The following FOXP4 variants were observed in gnomAD, a reference collection of about 807,000 sequenced individuals.
The protein encoded by FOXP4 is forkhead box P4.
A neutral mutation model predicts 82.6 loss-of-function variants in FOXP4; 25 were observed. The ratio of observed to expected loss-of-function variants is 0.30; its 90% CI spans 0.22 to 0.42. The LOEUF (loss-of-function observed/expected upper bound fraction) is 0.42. Among genes scored for constraint, FOXP4 ranks in the 10% least tolerant of loss-of-function variants. The pLI is 1.00. For missense variants in FOXP4, 785 were observed against 900.9 expected (o/e 0.87, Z 1.65); for synonymous variants, 415 against 388.2 (o/e 1.07, Z -0.81).
rs1379685049 is a variant in FOXP4, at chr6:41,593,456, G to A, written c.1537-1414G>A. Reference sequence around the variant, plus strand: ...GTTGTGGGCCCGTCCTTTTGTTTACGAAGCCCCTGCCAGACCCCTTAAATT... The same window carrying A: ...GTTGTGGGCCCGTCCTTTTGTTTACAAAGCCCCTGCCAGACCCCTTAAATT... On this transcript the variant is annotated intron_variant, in intron 13 of 16. Coordinates refer to ENST00000307972, the MANE Select transcript of FOXP4 (RefSeq NM_001012426.2). This position sits in a 1 kb window ranked among gnomAD's most constrained non-coding sequence, Gnocchi z 4.1. Among the ~76,000 whole-genome samples the A allele has an allele frequency of 1.3e-5, 2 of 152,096 alleles. No homozygotes were observed. Among genetic ancestry groups the A allele is most frequent in the South Asian group, 2.1e-4 (1 of 4,836 alleles).
chr6:41,586,519 C>G (rs1244416276), intron 5 of FOXP4, among the ~76,000 whole-genome samples: 1 of 152,202 alleles, frequency 6.6e-6, no homozygotes, highest in Non-Finnish European at 1.5e-5. Flanking sequence ...CGTCAGACTC[C>G]TTGATTCTCT....
Position 41,588,607 on chromosome 6 carries a change from G to A in FOXP4, c.978-37G>A, listed in dbSNP as rs373963017. ...GGAGGATGGTGGCAGCAGGGAAACC[G>A]GAGCCAACTTTCTCTCCTCCTCTCT... On this transcript the variant is annotated intron_variant, in intron 8 of 16. Coordinates refer to ENST00000307972, the MANE Select transcript of FOXP4 (RefSeq NM_001012426.2). 2.9e-4 allele frequency: 472 copies of A among 1,607,932 alleles called. 1 individual carries two copies. In the South Asian group the frequency reaches 3.7e-3, roughly 13 times the overall value.
At position 41,556,405 on chromosome 6, in the gene FOXP4, G is replaced by C. The variant is rs867958891; in HGVS notation, c.-16-9340G>C. On this transcript the variant is annotated intron_variant, in intron 1 of 16. Coordinates refer to ENST00000307972, the MANE Select transcript of FOXP4 (RefSeq NM_001012426.2). ...GTGGCGTCATCTTGGCTCACTGCAA[G>C]CTCCACCTCCCAGGTTCACACCATT... Among the ~76,000 whole-genome samples the C allele has an allele frequency of 6.4e-4, 96 of 150,748 alleles. 1 individual carries two copies. Among genetic ancestry groups the C allele is most frequent in the Middle Eastern group, 3.4e-3 (1 of 294 alleles).
intron 4 of FOXP4, 151 bp from the exon 5 acceptor site, chr6:41,585,280 C>T (rs559477043): frequency 5.3e-6 from 4 of 758,660 alleles, no homozygotes; most frequent in Middle Eastern, 3.9e-4. Context: ...CACCCAGACC[C>T]TGCTCAGGGC....
intron 5 of FOXP4, among the ~76,000 whole-genome samples, chr6:41,586,018 C>T (rs1253139439): frequency 6.6e-6 from 1 of 152,032 alleles, no homozygotes; most frequent in Admixed American, 6.6e-5. Context: ...CAGCCTACAT[C>T]CCCTACCCCA....
intron 2 of FOXP4, among the ~76,000 whole-genome samples, chr6:41,571,005 G>A (rs969263579): frequency 2.6e-5 from 4 of 152,070 alleles, no homozygotes; most frequent in African/African-American, 7.2e-5. Context: ...AGAGTGAAGC[G>A]GCTCAGAACC....
intron 1 of FOXP4, among the ~76,000 whole-genome samples, chr6:41,554,942 C>T (rs1764193925): frequency 6.6e-6 from 1 of 151,564 alleles, no homozygotes; most frequent in South Asian, 2.1e-4. Flanking sequence ...AAATCTAATT[C>T]CCACACAGCT....
chr6:41,568,137 T>C (rs1020002330), intron 2 of FOXP4, among the ~76,000 whole-genome samples: 3 of 152,180 alleles, frequency 2.0e-5, no homozygotes, highest in African/African-American at 7.2e-5. Flanking sequence ...CAACAACAAA[T>C]GTTCCTACTT....
chr6:41,569,360 A>G (rs1266797350), intron 2 of FOXP4, among the ~76,000 whole-genome samples: 3 of 152,208 alleles, frequency 2.0e-5, no homozygotes, highest in Non-Finnish European at 4.4e-5. Context: ...CTCCCTCGCC[A>G]AGGCAAATGC....
intron 5 of FOXP4, among the ~76,000 whole-genome samples, chr6:41,586,193 T>C (rs916193079): frequency 1.3e-5 from 2 of 151,664 alleles, no homozygotes; most frequent in Non-Finnish European, 2.9e-5. Flanking sequence ...CCCTCAGCAG[T>C]CTTGTAATTG....
Position 41,601,739 on chromosome 6 carries a change from G to A in FOXP4, c.*2803G>A, listed in dbSNP as rs1383343250. ...GATCCGCCAGCCTCAGCCTCCCAAA[G>A]TGCTGGGATTACAGGCGTGAGCCAC... On this transcript the variant is annotated 3_prime_UTR_variant, in exon 17 of 17. Transcript: ENST00000307972. 1.3e-5 allele frequency: 2 copies of A among 152,384 alleles called. No individual in the cohort carries two copies. The highest frequency in any genetic ancestry group is 2.9e-5 in the Non-Finnish European group (2 of 68,222). 9.4% of individuals were successfully genotyped at this position (152,384 alleles called of 1,614,324 possible). A position where few individuals can be genotyped will look rare whatever the true frequency, so the allele number is the denominator to read the frequency against.
chr6:41,585,421 AC>A lies in FOXP4; in HGVS notation c.424-3del, dbSNP rs760423295. 50 of 1,610,192 alleles carry A rather than the reference AC, an allele frequency of 3.1e-5. No individual in the cohort carries two copies. In the African/African-American group the frequency reaches 4.2e-4, roughly 13 times the overall value. ...ACCCTGCCAGTGGTAACCCTCCTCCACCCCCCCAGCTACAGGAGTACTACAA... is the reference window on the plus strand; with the variant it reads ...ACCCTGCCAGTGGTAACCCTCCTCCACCCCCCAGCTACAGGAGTACTACAA... On this transcript the variant is annotated splice_polypyrimidine_tract_variant and intron_variant, in intron 4 of 16. Coordinates refer to ENST00000307972, the MANE Select transcript of FOXP4 (RefSeq NM_001012426.2).
intron 9 of FOXP4, 115 bp from the exon 10 acceptor site, chr6:41,589,656 G>T (rs1462145527): frequency 4.8e-6 from 5 of 1,037,694 alleles, no homozygotes; most frequent in African/African-American, 1.6e-5. Flanking sequence ...AGGCAAGGAG[G>T]CGAATGGGGG....
chr6:41,596,270 C>G (rs1057506379), intron 14 of FOXP4, among the ~76,000 whole-genome samples: 52 of 152,346 alleles, frequency 3.4e-4, no homozygotes, highest in African/African-American at 1.2e-3. Flanking sequence ...TTCCACGTAG[C>G]AGCAGTGGCC....
intron 1 of FOXP4, among the ~76,000 whole-genome samples, chr6:41,562,726 G>C (rs1439713815): frequency 1.3e-5 from 2 of 152,210 alleles, no homozygotes; most frequent in Non-Finnish European, 2.9e-5. Context: ...GGAGTTCTCA[G>C]ATCTCAGAGA....
Position 41,587,885 on chromosome 6 carries a change from G to A in FOXP4, c.965G>A (p.Gly322Asp). Residue 322 changes from glycine to aspartate, a missense_variant, in exon 8 of 17, where the codon GGC becomes GAC. Around this residue, in one of 3 missense-constraint regions of FOXP4, gnomAD observed 570 missense variants for 634.0 expected, o/e 0.90. Transcript: ENST00000307972. ...PGCETLCEDL[G>D]QFIKHLNTEH... ...TGTGAGACCCTGTGTGAAGACCTGG[G>A]CCAGTTTATCAAGTAGGTGTCACCC... 2.6e-6 allele frequency: 4 copies of A among 1,557,416 alleles called. No individual in the cohort carries two copies. Among genetic ancestry groups the A allele is most frequent in the Non-Finnish European group, 3.5e-6 (4 of 1,149,328 alleles).
chr6:41,565,673 T>G (rs1764832192), intron 1 of FOXP4, 72 bp from the exon 2 acceptor site: 3 of 1,382,524 alleles, frequency 2.2e-6, no homozygotes, highest in South Asian at 1.4e-5. Context: ...GTTATGTTTT[T>G]GGGGGTCAGC....
At chr6:41,598,424 G>A (rs879491157) in intron 16 of FOXP4, among the ~76,000 whole-genome samples, 3 of 151,954 alleles carry the variant, frequency 2.0e-5, no homozygotes, top group African/African-American at 7.3e-5. Context: ...CACCGTGCTG[G>A]CCAGGCTGGT....
intron 2 of FOXP4, among the ~76,000 whole-genome samples, chr6:41,566,317 G>T (rs536808193): frequency 9.8e-5 from 15 of 152,332 alleles, no homozygotes; most frequent in South Asian, 4.1e-4. Flanking sequence ...CTGCACACTG[G>T]CTAGGAAACT....
Sources: allele counts gnomAD v4.1 joint callset (sites outside exome capture counted in the v4.1 genomes callset), GRCh38; gene constraint gnomAD v4.1.1; regional missense constraint gnomAD v4.1.1; non-coding constraint Gnocchi (gnomAD v3.1); transcripts MANE v1.5; gene names NCBI Gene and HGNC (gene_info 2026-07-23, HGNC 2026-07-21).